CLCN1: variants seen among roughly 807,000 people sequenced by gnomAD.
CLCN1 encodes chloride voltage-gated channel 1.
In CLCN1, 100 loss-of-function variants were observed where a neutral mutation model predicts 114.5. The ratio of observed to expected loss-of-function variants is 0.87; its 90% CI spans 0.74 to 1.03. The LOEUF is 1.03. Ranked by LOEUF, CLCN1 falls within the 50% of genes least tolerant of loss-of-function variation. The pLI is 0.00. For synonymous variants in CLCN1, 485 were observed against 487.1 expected (o/e 1.00, Z 0.06); for missense variants, 1,188 against 1,250.0 (o/e 0.95, Z 0.75).
In CLCN1 at chr7:143,345,777, A is replaced by C; in HGVS notation, c.2172+15A>C. The C allele has an allele frequency of 6.2e-7, 1 of 1,605,452 alleles. No individual in the cohort carries two copies. Among genetic ancestry groups the C allele is most frequent in the Non-Finnish European group, 8.5e-7 (1 of 1,176,622 alleles). On this transcript the variant is annotated intron_variant, in intron 17 of 22. Transcript: ENST00000343257. ...GCAAGAGCGAGGTGACCGCGCCGGG[A>C]AGGGCTAGGGAGTGGGATAGATCAG...
chr7:143,323,902 G>A (rs1430148724), intron 6 of CLCN1: 18 of 469,356 alleles, frequency 3.8e-5, no homozygotes, highest in Non-Finnish European at 6.6e-5. Context: ...TCGGAGGCAA[G>A]TTGCACTTCC....
chr7:143,323,296 C>A lies in CLCN1; in HGVS notation c.697-13C>A, dbSNP rs1238487609. 6.3e-7 allele frequency: 1 copy of A among 1,580,274 alleles called. No individual in the cohort carries two copies. Among genetic ancestry groups the A allele is most frequent in the Non-Finnish European group, 8.7e-7 (1 of 1,149,268 alleles). On this transcript the variant is annotated splice_polypyrimidine_tract_variant and intron_variant, in intron 5 of 22. Coordinates refer to ENST00000343257, the MANE Select transcript of CLCN1 (RefSeq NM_000083.3). Reference sequence around the variant, plus strand: ...GGCCTCTGACCCCCGCCCCCTCGCTCCCCCTCTCCCAGGGCCCCTTCGTCC... The same window carrying A: ...GGCCTCTGACCCCCGCCCCCTCGCTACCCCTCTCCCAGGGCCCCTTCGTCC...
intron 12 of CLCN1, among the ~76,000 whole-genome samples, chr7:143,335,560 A>C (rs558425216): frequency 6.6e-6 from 1 of 152,026 alleles, no homozygotes; most frequent in African/African-American, 2.4e-5. Context: ...AAATATAAAC[A>C]TGACTGAAAC....
chr7:143,318,246 G>T (rs1337675375), intron 1 of CLCN1, among the ~76,000 whole-genome samples: 2 of 151,570 alleles, frequency 1.3e-5, no homozygotes, highest in Non-Finnish European at 2.9e-5. Context: ...TTTTGAGATG[G>T]AGTTTCGCTC....
At chr7:143,334,125 A>C (rs1388436658) in intron 12 of CLCN1, among the ~76,000 whole-genome samples, 2 of 152,134 alleles carry the variant, frequency 1.3e-5, no homozygotes, top group African/African-American at 4.8e-5. Flanking sequence ...AGGCAGGAGA[A>C]TTGCTTGAAC....
rs1272277958 is a variant in CLCN1 at position 143,320,706 on chromosome 7, G to A, written c.344G>A (p.Gly115Glu). The change falls in exon 3 of 23, where the codon GGG becomes GAG. Residue 115 changes from glycine (G) to glutamate (E), a missense_variant. Physicochemically the swap from Gly to Glu is moderately conservative, Grantham distance 98. Transcript: ENST00000343257. ...RLGQVVRRKL[G>E]EDGIFLVLLG... ...GGACAGGTGGTGAGAAGAAAATTAG[G>A]GGAAGACGGGATCTTTCTGGTGCTT... 1 of 1,613,486 alleles carries A rather than the reference G, an allele frequency of 6.2e-7. No individual in the cohort carries two copies. Among genetic ancestry groups the A allele is most frequent in the Non-Finnish European group, 8.5e-7 (1 of 1,179,744 alleles).
Position 143,316,241 on chromosome 7 carries a change from G to T in CLCN1, c.29G>T (p.Gly10Val). The change falls in exon 1 of 23, where the codon GGG becomes GTG. Residue 10 changes from glycine to valine, a missense_variant. Gly to Val is a moderately radical substitution (Grantham distance 109). Transcript: ENST00000343257. ...GAGCAATCCCGGTCACAGCAGCGTG[G>T]GGGTGAACAAAGCTGGTGGGGTAGT... MEQSRSQQR[G>V]GEQSWWGSDP... 1 of 1,613,732 alleles carries T rather than the reference G, an allele frequency of 6.2e-7. No homozygotes were observed. Among genetic ancestry groups the T allele is most frequent in the Non-Finnish European group, 8.5e-7 (1 of 1,179,800 alleles).
At chr7:143,332,257 C>T (rs187635936) in intron 10 of CLCN1, among the ~76,000 whole-genome samples, 162 bp from the exon 11 acceptor site, 20 of 152,308 alleles carry the variant, frequency 1.3e-4, no homozygotes, top group Admixed American at 2.6e-4. Flanking sequence ...CATGAGCCAC[C>T]GCACTCGGCC....
intron 7 of CLCN1, among the ~76,000 whole-genome samples, chr7:143,326,159 G>A (rs1053636426): frequency 6.6e-6 from 1 of 152,020 alleles, no homozygotes. Flanking sequence ...TGGGATTACA[G>A]GCCTGCGCCA....
Position 143,324,454 on chromosome 7 carries a change from C to G in CLCN1, c.815C>G (p.Ala272Gly), listed in dbSNP as rs1563075892. The part of the protein sequence containing the change: ...YYSDILTVGC[A>G]VGVGCCFGTP... ...TCTGATATCCTGACGGTGGGCTGTGCTGTGGGAGTCGGCTGTTGTTTTGGG... is the reference window on the plus strand; with the variant it reads ...TCTGATATCCTGACGGTGGGCTGTGGTGTGGGAGTCGGCTGTTGTTTTGGG... Residue 272 changes from alanine (A) to glycine (G), a missense_variant, in exon 7 of 23, where the codon GCT (alanine) becomes GGT (glycine). Transcript: ENST00000343257. This position sits in a 1 kb window ranked among gnomAD's most constrained non-coding sequence, Gnocchi z 4.6. 6.2e-7 allele frequency: 1 copy of G among 1,613,878 alleles called. No homozygotes were observed. The highest frequency in any genetic ancestry group is 1.7e-5 in the Admixed American group (1 of 60,012).
chr7:143,342,252 T>G (rs1803100078), intron 15 of CLCN1, 110 bp downstream of exon 15: 1 of 1,478,696 alleles, frequency 6.8e-7, no homozygotes, highest in Non-Finnish European at 9.4e-7. Flanking sequence ...TAAATTATTA[T>G]TATATTCTCA....
In CLCN1 at chr7:143,351,862, A is replaced by T. The variant is rs150796358; in HGVS notation, c.2864A>T (p.Glu955Val). The T allele has an allele frequency of 1.4e-4, 229 of 1,613,790 alleles. No individual in the cohort carries two copies. In the Middle Eastern group the frequency reaches 7.4e-3, roughly 52 times the overall value. The change falls in exon 23 of 23, where the codon GAG becomes GTG. Residue 955 changes from glutamate to valine, a missense_variant. Transcript: ENST00000343257. ...GTAGAGGGCGAGTTGGAGGAGCTGG[A>T]GCTGGTGGAGAGTCCAGGGCTGGAA... ...GKVEGELEELELVESPGLEEE... is the reference protein window; with the variant it reads ...GKVEGELEELVLVESPGLEEE...
chr7:143,319,640 ACC>A, intron 1 of CLCN1, 113 bp from the exon 2 acceptor site: 1 of 1,104,140 alleles, frequency 9.1e-7, no homozygotes, highest in Non-Finnish European at 1.4e-6. Flanking sequence ...TGCAGTCAAC[ACC>A]CAGAATTCAA....
chr7:143,328,236 T>G (rs535021365), intron 7 of CLCN1, among the ~76,000 whole-genome samples: 1 of 37,480 alleles, frequency 2.7e-5, no homozygotes, highest in East Asian at 5.2e-4. Context: ...ATAGGTGTAG[T>G]TGTGGCATGA....
chr7:143,334,512 T>C (rs1199984511), intron 12 of CLCN1, among the ~76,000 whole-genome samples: 2 of 152,236 alleles, frequency 1.3e-5, no homozygotes, highest in Non-Finnish European at 2.9e-5. Flanking sequence ...GCATTTACTA[T>C]GTGCCAAGTA....
At chr7:143,343,776 C>T (rs538446420) in intron 16 of CLCN1, among the ~76,000 whole-genome samples, 1 of 150,276 alleles carries the variant, frequency 6.7e-6, no homozygotes, top group Non-Finnish European at 1.5e-5. Context: ...CCCTCTTTCC[C>T]TCTCTCTCTC....
In CLCN1 at chr7:143,321,528, G is replaced by A; in HGVS notation, c.562+35G>A. 1 of 1,613,732 alleles carries A rather than the reference G, an allele frequency of 6.2e-7. No individual in the cohort carries two copies. Among genetic ancestry groups the A allele is most frequent in the Non-Finnish European group, 8.5e-7 (1 of 1,180,032 alleles). ...TGCCACCAGACTCGGCCTGAGCTGG[G>A]TGGCCTGAGAGGGGCCCTGTCTGTC... is the stretch of plus-strand genomic sequence containing the variant. On this transcript the variant is annotated intron_variant, in intron 4 of 22. Transcript: ENST00000343257. The surrounding 1 kb of genome is among the most constrained non-coding windows in gnomAD (Gnocchi z 4.2).
intron 16 of CLCN1, among the ~76,000 whole-genome samples, chr7:143,344,377 A>G (rs952263324): frequency 1.3e-5 from 2 of 152,206 alleles, no homozygotes; most frequent in African/African-American, 2.4e-5. Flanking sequence ...ATAATTTCCT[A>G]GTGTTTGAAT....
chr7:143,351,569 C>G (rs1459070871), intron 22 of CLCN1, 25 bp from the exon 23 acceptor site: 1 of 1,613,362 alleles, frequency 6.2e-7, no homozygotes, highest in South Asian at 1.1e-5. Context: ...TTTTTACCCT[C>G]TTTTCCTTTC....
Sources: allele counts gnomAD v4.1 joint callset (sites outside exome capture counted in the v4.1 genomes callset), GRCh38; gene constraint gnomAD v4.1.1; non-coding constraint Gnocchi (gnomAD v3.1); transcripts MANE v1.5; gene names NCBI Gene and HGNC (gene_info 2026-07-23, HGNC 2026-07-21).